The following ZRANB3 variants were observed in gnomAD, a reference collection of about 807,000 sequenced individuals.
ZRANB3 encodes the protein DNA annealing helicase and endonuclease ZRANB3.
Under a neutral mutation model 133.8 loss-of-function variants are expected in ZRANB3, and 125 were observed. The ratio of observed to expected loss-of-function variants is 0.93; its 90% CI spans 0.81 to 1.08. The LOEUF (loss-of-function observed/expected upper bound fraction) is 1.08. Among genes scored for constraint, ZRANB3 ranks in the 50% least tolerant of loss-of-function variants. The pLI is 0.00. For missense variants in ZRANB3, 1,229 were observed against 1,275.5 expected, an observed-to-expected ratio of 0.96 and a Z score of 0.56; for synonymous variants, 387 against 432.7, an observed-to-expected ratio of 0.89 and a Z score of 1.31.
intron 2 of ZRANB3, among the ~76,000 whole-genome samples, chr2:135,469,689 CAA>C (rs916928987): frequency 6.6e-6 from 1 of 152,038 alleles, no homozygotes; most frequent in African/African-American, 2.4e-5. Flanking sequence ...TTCAACCAAA[CAA>C]TATTTTGGAT....
intron 6 of ZRANB3, among the ~76,000 whole-genome samples, chr2:135,329,872 T>C (rs551087031): frequency 6.6e-6 from 1 of 152,312 alleles, no homozygotes; most frequent in South Asian, 2.1e-4. Flanking sequence ...TTTTGGTGTA[T>C]AGGAAGGCTT....
chr2:135,285,587 T>C (rs1681315799), intron 8 of ZRANB3, among the ~76,000 whole-genome samples: 1 of 152,224 alleles, frequency 6.6e-6, no homozygotes. Context: ...AAACACACTT[T>C]GTGCATAAGG....
At chr2:135,435,417 A>G (rs1689490085) in intron 2 of ZRANB3, among the ~76,000 whole-genome samples, 2 of 152,148 alleles carry the variant, frequency 1.3e-5, no homozygotes, top group South Asian at 4.1e-4. Flanking sequence ...GGTTGATTCC[A>G]TGTCTTTGTT....
intron 8 of ZRANB3, among the ~76,000 whole-genome samples, chr2:135,289,718 T>A (rs2104792265): frequency 6.6e-6 from 1 of 152,142 alleles, no homozygotes; most frequent in African/African-American, 2.4e-5. Flanking sequence ...GCCTAGCCAA[T>A]ATAGTGAGAC....
At chr2:135,511,611 C>T in intron 1 of ZRANB3, 1 of 801,078 alleles carries the variant, frequency 1.2e-6, no homozygotes, top group South Asian at 1.3e-5. Flanking sequence ...CAAGTACGAA[C>T]ATCTGCATGA....
intron 2 of ZRANB3, among the ~76,000 whole-genome samples, chr2:135,418,823 A>T (rs536060278): frequency 2.0e-4 from 30 of 151,708 alleles, no homozygotes; most frequent in Non-Finnish European, 3.8e-4. Context: ...GTTCCTCCTG[A>T]GACACTACAA....
chr2:135,410,049 T>C (rs192379799), intron 2 of ZRANB3, among the ~76,000 whole-genome samples: 2 of 152,306 alleles, frequency 1.3e-5, no homozygotes, highest in African/African-American at 4.8e-5. Context: ...ATCATTAAAA[T>C]GGCCACAGTG....
intron 2 of ZRANB3, among the ~76,000 whole-genome samples, chr2:135,428,083 C>T (rs1224277242): frequency 6.6e-6 from 1 of 152,008 alleles, no homozygotes; most frequent in Non-Finnish European, 1.5e-5. Context: ...AATGTAAAAC[C>T]TAAAACTATA....
At chr2:135,277,637 A>T (rs1680901142) in intron 8 of ZRANB3, among the ~76,000 whole-genome samples, 1 of 152,192 alleles carries the variant, frequency 6.6e-6, no homozygotes, top group Non-Finnish European at 1.5e-5. Flanking sequence ...GAAAATATAA[A>T]ATATAGGCCA....
Position 135,459,403 on chromosome 2 carries a change from CA to C in ZRANB3, c.161+44925del, listed in dbSNP as rs1192753924. ...AGCTTGCCTAGTAAAATTTGAAGCT[CA>C]AATCAAAGCACAAAGGAAGAAGCAT... On this transcript the variant is annotated intron_variant, in intron 2 of 20. Coordinates refer to ENST00000264159, the MANE Select transcript of ZRANB3 (RefSeq NM_032143.4). Among the ~76,000 whole-genome samples the C allele has an allele frequency of 2.0e-5, 3 of 152,210 alleles. No homozygotes were observed. In the East Asian group the frequency reaches 5.8e-4, roughly 29 times the overall value.
Position 135,287,670 on chromosome 2 carries a change from CT to C in ZRANB3, c.967-11916del, listed in dbSNP as rs59739293. Among the ~76,000 whole-genome samples the C allele has an allele frequency of 3.4e-3, 334 of 98,040 alleles. 2 individuals carry two copies. Among genetic ancestry groups the C allele is most frequent in the East Asian group, 0.012 (40 of 3,254 alleles). 64.3% of individuals were successfully genotyped at this position (98,040 alleles called of 152,430 possible). A position where few individuals can be genotyped will look rare whatever the true frequency, so the allele number is the denominator to read the frequency against. ...GTCCTTGGTTAGGTATATTTCTTTC[CT>C]TTTTTTTTTTTTTTTTTGCAGCTAT... On this transcript the variant is annotated intron_variant, in intron 8 of 20. Transcript: ENST00000264159.
At chr2:135,362,213 A>AG (rs1306066621) in intron 3 of ZRANB3, among the ~76,000 whole-genome samples, 1 of 151,966 alleles carries the variant, frequency 6.6e-6, no homozygotes, top group Admixed American at 6.6e-5. Context: ...AAAAAAAAAA[A>AG]AGAATAGAAT....
At chr2:135,288,940 T>G (rs1681540375) in intron 8 of ZRANB3, among the ~76,000 whole-genome samples, 1 of 151,674 alleles carries the variant, frequency 6.6e-6, no homozygotes, top group South Asian at 2.1e-4. Flanking sequence ...CTGCTCTGAC[T>G]TTTGTTATTT....
At chr2:135,480,583 T>A (rs1691737546) in intron 2 of ZRANB3, among the ~76,000 whole-genome samples, 1 of 152,118 alleles carries the variant, frequency 6.6e-6, no homozygotes, top group Non-Finnish European at 1.5e-5. Context: ...TGCAAAAGCC[T>A]TAAATACTAC....
Position 135,526,233 on chromosome 2 carries a change from G to C in ZRANB3, c.-8+4894C>G, listed in dbSNP as rs184499936. ...GGCTGGAGTACAATGGCACTATCTC[G>C]GCTCACCGCAACCTCCACCTCCCAG... On this transcript the variant is annotated intron_variant, in intron 1 of 20. Transcript: ENST00000264159. 6.4e-5 allele frequency among the ~76,000 whole-genome samples: 9 copies of C among 141,538 alleles called. No individual in the cohort carries two copies. The East Asian group carries it at 1.7e-3, about 26-fold the overall frequency. The allele number at this position is 141,538 out of a possible 152,430, so 92.9% of individuals were successfully genotyped here.
intron 2 of ZRANB3, among the ~76,000 whole-genome samples, chr2:135,444,324 T>A (rs975478367): frequency 4.6e-5 from 7 of 152,156 alleles, no homozygotes; most frequent in African/African-American, 1.7e-4. Context: ...ATGGGAATGT[T>A]CATAACAGCT....
chr2:135,294,008 T>C (rs572736841), intron 8 of ZRANB3, among the ~76,000 whole-genome samples: 3 of 152,334 alleles, frequency 2.0e-5, no homozygotes, highest in Admixed American at 6.5e-5. Context: ...CAGTATTTTA[T>C]TGAGGATTTT....
intron 8 of ZRANB3, among the ~76,000 whole-genome samples, chr2:135,309,661 T>C (rs1031639442): frequency 2.6e-5 from 4 of 152,132 alleles, no homozygotes; most frequent in Non-Finnish European, 5.9e-5. Context: ...AAAATACCTA[T>C]GGATAAATCT....
At position 135,246,061 on chromosome 2, in the gene ZRANB3, CAG is replaced by C. The variant is rs796839373; in HGVS notation, c.1540-15136_1540-15135del. ...TTTCTTTTTTTTTTTTTTTTTGAGACAGAGTCTTGCTCTGTTGCTCAGGCTGG... is the reference window on the plus strand; with the variant it reads ...TTTCTTTTTTTTTTTTTTTTTGAGACAGTCTTGCTCTGTTGCTCAGGCTGG... On this transcript the variant is annotated intron_variant, in intron 12 of 20. Coordinates refer to ENST00000264159, the MANE Select transcript of ZRANB3 (RefSeq NM_032143.4). 1.5e-3 allele frequency among the ~76,000 whole-genome samples: 169 copies of C among 110,968 alleles called. 1 individual carries two copies. The highest frequency in any genetic ancestry group is 6.1e-3 in the African/African-American group (166 of 26,996). The allele number at this position is 110,968 out of a possible 152,430, so 72.8% of individuals were successfully genotyped here.
Sources: gnomAD v4.1 joint callset for allele counts (sites outside exome capture counted in the v4.1 genomes callset) on GRCh38, gnomAD v4.1.1 for gene constraint, MANE v1.5 for transcripts, NCBI Gene and HGNC (gene_info 2026-07-23, HGNC 2026-07-21) for gene names.